CPEB3: variants seen among roughly 807,000 people sequenced by gnomAD.
CPEB3 encodes cytoplasmic polyadenylation element-binding protein 3.
CPEB3 carries 20 observed loss-of-function variants against 67.2 expected under a neutral mutation model. The ratio of observed to expected loss-of-function variants is 0.30; its 90% CI spans 0.21 to 0.43. The LOEUF (loss-of-function observed/expected upper bound fraction) is 0.43, where lower values mean the gene tolerates loss of function less well. Ranked by LOEUF, CPEB3 falls within the 20% of genes least tolerant of loss-of-function variation. CPEB3 has a pLI of 1.00. For synonymous variants in CPEB3, 376 were observed against 393.1 expected, an observed-to-expected ratio of 0.96 and a Z score of 0.51; for missense variants, 746 against 968.6, an observed-to-expected ratio of 0.77 and a Z score of 3.05.
intron 2 of CPEB3, among the ~76,000 whole-genome samples, chr10:92,221,314 G>A (rs1850687988): frequency 6.6e-6 from 1 of 152,020 alleles, no homozygotes; most frequent in Admixed American, 6.6e-5. Flanking sequence ...ACAATATGAT[G>A]AAACCCCATC....
chr10:92,053,690 C>T (rs1052485336), intron 9 of CPEB3, among the ~76,000 whole-genome samples: 6 of 152,122 alleles, frequency 3.9e-5, no homozygotes, highest in African/African-American at 1.2e-4. Context: ...TACAGGCACC[C>T]GCCACCACGC....
intron 1 of CPEB3, among the ~76,000 whole-genome samples, chr10:92,269,688 G>C (rs1853217785): frequency 6.6e-6 from 1 of 152,074 alleles, no homozygotes; most frequent in South Asian, 2.1e-4. Flanking sequence ...CTCCCGAGTA[G>C]CTGGGATTAC....
At chr10:92,220,326 A>G (rs1432271330) in intron 2 of CPEB3, among the ~76,000 whole-genome samples, 1 of 152,226 alleles carries the variant, frequency 6.6e-6, no homozygotes, top group African/African-American at 2.4e-5. Flanking sequence ...ACAAAGTTTA[A>G]TTTGGCAAAT....
chr10:92,281,755 T>C (rs1319014279), intron 1 of CPEB3, among the ~76,000 whole-genome samples: 1 of 152,212 alleles, frequency 6.6e-6, no homozygotes, highest in Non-Finnish European at 1.5e-5. Flanking sequence ...TAAGTGAAAC[T>C]AGTTTTGTTT....
chr10:92,191,166 C>T (rs181297923), intron 3 of CPEB3, among the ~76,000 whole-genome samples: 80 of 152,128 alleles, frequency 5.3e-4, no homozygotes, highest in African/African-American at 1.9e-3. Flanking sequence ...CTTTGGGAGG[C>T]CGAGGTGGGC....
intron 2 of CPEB3, among the ~76,000 whole-genome samples, chr10:92,205,435 T>A (rs1849735794): frequency 6.6e-6 from 1 of 152,074 alleles, no homozygotes; most frequent in African/African-American, 2.4e-5. Flanking sequence ...AATATCTTTT[T>A]TTACAGATGA....
chr10:92,079,788 G>A (rs1843068059), intron 9 of CPEB3, among the ~76,000 whole-genome samples: 1 of 152,170 alleles, frequency 6.6e-6, no homozygotes, highest in South Asian at 2.1e-4. Context: ...AGGATATTTA[G>A]TGAAACTTCA....
Position 92,177,202 on chromosome 10 carries a change from A to G in CPEB3, c.1222+3761T>C, listed in dbSNP as rs141980548. Among the ~76,000 whole-genome samples, 1,361 of 152,374 alleles carry G rather than the reference A, an allele frequency of 8.9e-3. 10 individuals are homozygous for G. Among genetic ancestry groups the G allele is most frequent in the Non-Finnish European group, 0.013 (893 of 68,038 alleles). On this transcript the variant is annotated intron_variant, in intron 4 of 9. Transcript: ENST00000265997. Reference sequence around the variant, plus strand: ...TCTCCAATGGGAAAAATTAAAATACATTATGCAAACGTCGAGTGTTTTTGT... The same window carrying G: ...TCTCCAATGGGAAAAATTAAAATACGTTATGCAAACGTCGAGTGTTTTTGT...
intron 5 of CPEB3, 97 bp from the exon 6 acceptor site, chr10:92,143,215 G>A (rs1846522821): frequency 1.1e-6 from 1 of 879,746 alleles, no homozygotes; most frequent in African/African-American, 1.7e-5. Context: ...TTAAAAAAAT[G>A]TTTTGAGGGT....
At chr10:92,260,529 C>T (rs1852746962) in intron 1 of CPEB3, among the ~76,000 whole-genome samples, 2 of 135,542 alleles carry the variant, frequency 1.5e-5, no homozygotes, top group Non-Finnish European at 3.1e-5. Flanking sequence ...CCAGCCTGGG[C>T]AACAAGAGCA....
rs888981165 is a variant in CPEB3, at chr10:92,077,658, T to C, written c.1869+3662A>G. 3.3e-5 allele frequency among the ~76,000 whole-genome samples: 5 copies of C among 151,702 alleles called. No homozygotes were observed. In the South Asian group the frequency reaches 6.2e-4, roughly 19 times the overall value. On this transcript the variant is annotated intron_variant, in intron 9 of 9. Coordinates refer to ENST00000265997, the MANE Select transcript of CPEB3 (RefSeq NM_014912.5). ...CCTGTGATCCCAGCTATTGGAGTGG[T>C]TGAGGTGGGAAAATCACTTGAGCCC...
At chr10:92,228,650 G>T (rs2134529164) in intron 2 of CPEB3, among the ~76,000 whole-genome samples, 1 of 151,902 alleles carries the variant, frequency 6.6e-6, no homozygotes, top group South Asian at 2.1e-4. Flanking sequence ...CACATGCCTG[G>T]AATTAATGAC....
In CPEB3 at chr10:92,048,752, A is replaced by G. The variant is rs1390537852; in HGVS notation, c.*3460T>C. 6.6e-6 allele frequency: 1 copy of G among 152,662 alleles called. No homozygotes were observed. Among genetic ancestry groups the G allele is most frequent in the Non-Finnish European group, 1.5e-5 (1 of 68,040 alleles). 9.5% of individuals were successfully genotyped at this position (152,662 alleles called of 1,614,324 possible). A position where few individuals can be genotyped will look rare whatever the true frequency, so the allele number is the denominator to read the frequency against. On this transcript the variant is annotated 3_prime_UTR_variant, in exon 10 of 10. Coordinates refer to ENST00000265997, the MANE Select transcript of CPEB3 (RefSeq NM_014912.5). This position sits in a 1 kb window ranked among gnomAD's most constrained non-coding sequence, Gnocchi z 4.1. The stretch of plus-strand genomic sequence containing the variant: ...TATTGTAAACCACATCAGCAAGTTA[A>G]TACATAAAGCTTTGCATTTCAAAAA...
At chr10:92,070,560 T>C (rs1842713691) in intron 9 of CPEB3, among the ~76,000 whole-genome samples, 1 of 152,014 alleles carries the variant, frequency 6.6e-6, no homozygotes, top group Non-Finnish European at 1.5e-5. Context: ...GTGGATTACC[T>C]GGGATCAGGA....
chr10:92,257,477 G>A (rs184412275), intron 1 of CPEB3, among the ~76,000 whole-genome samples: 2 of 151,628 alleles, frequency 1.3e-5, no homozygotes, highest in East Asian at 3.9e-4. Context: ...TGTATTTTTA[G>A]TATAGATAGA....
intron 6 of CPEB3, among the ~76,000 whole-genome samples, chr10:92,135,355 T>C (rs1456471577): frequency 4.6e-5 from 7 of 152,204 alleles, no homozygotes; most frequent in Non-Finnish European, 8.8e-5. Context: ...GCAAAGGATA[T>C]GAATACGCAC....
intron 6 of CPEB3, among the ~76,000 whole-genome samples, chr10:92,114,982 AAATT>A (rs1320020148): frequency 1.3e-5 from 2 of 152,382 alleles, no homozygotes; most frequent in African/African-American, 4.8e-5. Flanking sequence ...ATTAGAATTC[AAATT>A]AATAATATGC....
chr10:92,263,990 T>C (rs1055032342), intron 1 of CPEB3, among the ~76,000 whole-genome samples: 2 of 152,084 alleles, frequency 1.3e-5, no homozygotes, highest in African/African-American at 4.8e-5. Context: ...CCCTAAAAGA[T>C]GGAAGCTATC....
Position 92,192,560 on chromosome 10 carries a change from T to C in CPEB3, c.1082A>G (p.His361Arg), listed in dbSNP as rs1229121223. Residue 361 changes from histidine to arginine, a missense_variant, in exon 3 of 10, where the codon CAT (histidine) becomes CGT (arginine). By Grantham distance (29) the His-to-Arg change is conservative. Transcript: ENST00000265997. ...GTAGTGTTTACCTTTCAGAGGTTCATGATCAGTCCTTATCATATCCATTAA... is the reference window on the plus strand; with the variant it reads ...GTAGTGTTTACCTTTCAGAGGTTCACGATCAGTCCTTATCATATCCATTAA... ...NSLMDMIRTD[H>R]EPLKGKHYPP... The C allele has an allele frequency of 1.2e-5, 19 of 1,613,842 alleles. No individual in the cohort carries two copies. The highest frequency in any genetic ancestry group is 1.6e-5 in the Non-Finnish European group (19 of 1,179,826).
Sources: allele counts gnomAD v4.1 joint callset (sites outside exome capture counted in the v4.1 genomes callset), GRCh38; gene constraint gnomAD v4.1.1; non-coding constraint Gnocchi (gnomAD v3.1); transcripts MANE v1.5; gene names NCBI Gene and HGNC (gene_info 2026-07-23, HGNC 2026-07-21).